Variants in NEMF observed in about 807,000 individuals in gnomAD.
The protein encoded by NEMF is nuclear export mediator factor.
Under a neutral mutation model 162.2 loss-of-function variants are expected in NEMF, and 89 were observed. That is an observed-to-expected ratio of 0.55 (90% CI 0.46 to 0.65). The LOEUF (loss-of-function observed/expected upper bound fraction) is 0.65, where lower values mean the gene tolerates loss of function less well. NEMF is among the 30% of genes least tolerant of loss of function. NEMF has a pLI of 0.00. For missense variants in NEMF, 1,133 were observed against 1,261.9 expected (o/e 0.90, Z 1.55); for synonymous variants, 421 against 404.5 (o/e 1.04, Z -0.49).
Position 49,800,630 on chromosome 14 carries a change from A to G in NEMF, c.2162T>C (p.Met721Thr). 1 of 1,613,954 alleles carries G rather than the reference A, an allele frequency of 6.2e-7. No individual in the cohort carries two copies. The highest frequency in any genetic ancestry group is 8.5e-7 in the Non-Finnish European group (1 of 1,179,900). Reference sequence around the variant, plus strand: ...GATATCCTCTTGGTCAACCTGAGTCATGAGTTCTACTTCCACAGGAGTTTC... The same window carrying G: ...GATATCCTCTTGGTCAACCTGAGTCGTGAGTTCTACTTCCACAGGAGTTTC... ...EHETPVEVEL[M>T]TQVDQEDITL... is the part of the protein sequence containing the mutation. Residue 721 changes from methionine (M) to threonine (T), a missense_variant, in exon 23 of 33, where the codon ATG (methionine) becomes ACG (threonine). Physicochemically the swap from Met to Thr is moderately conservative, Grantham distance 81 (BLOSUM62 -1). This residue lies in a region of NEMF where 532 missense variants were observed against 578.6 expected (regional missense o/e 0.92). Transcript: ENST00000298310.
chr14:49,808,691 C>A (rs949288568), intron 18 of NEMF, among the ~76,000 whole-genome samples: 2 of 150,590 alleles, frequency 1.3e-5, no homozygotes, highest in African/African-American at 4.9e-5. Context: ...GGTCTAACCT[C>A]AATCTTTTGC....
intron 8 of NEMF, 53 bp from the exon 9 acceptor site, chr14:49,832,330 CTTCTT>C (rs1566695370): frequency 6.1e-6 from 7 of 1,145,470 alleles, no homozygotes; most frequent in African/African-American, 2.7e-5. Flanking sequence ...CAAAGATTTA[CTTCTT>C]TTTTTTTTTT....
intron 16 of NEMF, among the ~76,000 whole-genome samples, chr14:49,817,534 T>C (rs1298907637): frequency 1.3e-5 from 2 of 151,744 alleles, no homozygotes; most frequent in Non-Finnish European, 2.9e-5. Flanking sequence ...AAGGAAAAAA[T>C]AGTTACAAGT....
At chr14:49,818,159 CT>C (rs1231738995) in intron 16 of NEMF, 1 of 150,192 alleles carries the variant, frequency 6.7e-6, no homozygotes, top group Non-Finnish European at 1.5e-5. Context: ...CCGATCTCGG[CT>C]CACTGCAAGC....
intron 8 of NEMF, 53 bp from the exon 9 acceptor site, chr14:49,832,330 CTTCT>C (rs1480764168): frequency 7.4e-5 from 85 of 1,145,468 alleles, no homozygotes; most frequent in Admixed American, 1.6e-4. Flanking sequence ...CAAAGATTTA[CTTCT>C]TTTTTTTTTT....
intron 25 of NEMF, 40 bp from the exon 26 acceptor site, chr14:49,795,984 T>G: frequency 6.5e-7 from 1 of 1,544,180 alleles, no homozygotes. Flanking sequence ...TTCTTAGAAT[T>G]TGAAATTCTT....
At chr14:49,803,423 A>T (rs887993133) in intron 19 of NEMF, 129 bp from the exon 20 acceptor site, 1 of 556,912 alleles carries the variant, frequency 1.8e-6, no homozygotes, top group Non-Finnish European at 3.1e-6. Flanking sequence ...ATAATTTCGT[A>T]CAAATTCTCA....
intron 6 of NEMF, among the ~76,000 whole-genome samples, chr14:49,837,728 T>C (rs1024432390): frequency 6.6e-6 from 1 of 150,586 alleles, no homozygotes; most frequent in African/African-American, 2.4e-5. Context: ...GATGATCTTC[T>C]CAAGTATAAA....
Position 49,785,123 on chromosome 14 carries a change from T to G in NEMF, c.3042A>C (p.Lys1014Asn). 1 of 1,606,186 alleles carries G rather than the reference T, an allele frequency of 6.2e-7. No homozygotes were observed. Among genetic ancestry groups the G allele is most frequent in the Non-Finnish European group, 8.5e-7 (1 of 1,172,918 alleles). Residue 1014 changes from lysine to asparagine, a missense_variant, in exon 31 of 33, where the codon AAA becomes AAC. Lys to Asn is a moderately conservative substitution (Grantham distance 94, BLOSUM62 0). Transcript: ENST00000298310. ...CCTTTTTCTGCACTCCAGGAGTAAGTTTCACTTTATATCTTTAAAAAGGAA... is the reference window on the plus strand; with the variant it reads ...CCTTTTTCTGCACTCCAGGAGTAAGGTTCACTTTATATCTTTAAAAAGGAA... ...TTMTNYKYKV[K>N]LTPGVQKKGK...
chr14:49,840,417 G>A (rs371508369), intron 5 of NEMF, among the ~76,000 whole-genome samples: 23 of 151,080 alleles, frequency 1.5e-4, no homozygotes, highest in Non-Finnish European at 1.3e-4. Flanking sequence ...AGCTGAGATC[G>A]TGCCACTGCA....
intron 16 of NEMF, among the ~76,000 whole-genome samples, chr14:49,817,753 C>T (rs1388979404): frequency 2.0e-5 from 3 of 152,150 alleles, no homozygotes; most frequent in Non-Finnish European, 4.4e-5. Flanking sequence ...AAAAACACTG[C>T]TTACCAAAAC....
chr14:49,836,793 A>G (rs1177263060), intron 6 of NEMF, among the ~76,000 whole-genome samples: 2 of 152,212 alleles, frequency 1.3e-5, no homozygotes, highest in Admixed American at 6.5e-5. Flanking sequence ...CACATTTTGG[A>G]ATATCTGCAT....
intron 20 of NEMF, 79 bp downstream of exon 20, chr14:49,803,158 G>A (rs985767391): frequency 1.9e-6 from 2 of 1,040,054 alleles, no homozygotes; most frequent in Non-Finnish European, 1.5e-6. Context: ...TTTGTTCTAA[G>A]AGTATTTGTA....
chr14:49,806,208 C>A, intron 18 of NEMF, 75 bp from the exon 19 acceptor site: 2 of 594,406 alleles, frequency 3.4e-6, no homozygotes, highest in Non-Finnish European at 2.9e-6. Context: ...AATCACATGC[C>A]GCATGACAGG....
At chr14:49,814,699 G>A (rs1453218187) in intron 17 of NEMF, 55 bp downstream of exon 17, 17 of 907,668 alleles carry the variant, frequency 1.9e-5, no homozygotes, top group Middle Eastern at 2.6e-4. Flanking sequence ...CTAATATTGA[G>A]ATAACTGATC....
intron 8 of NEMF, among the ~76,000 whole-genome samples, chr14:49,833,212 G>C (rs371813951): frequency 1.6e-3 from 238 of 152,234 alleles, no homozygotes; most frequent in African/African-American, 5.4e-3. Flanking sequence ...GTTGCAATGA[G>C]CCAAGATCAT....
At chr14:49,799,721 G>T (rs755319290) in intron 23 of NEMF, 43 bp from the exon 24 acceptor site, 7 of 1,502,440 alleles carry the variant, frequency 4.7e-6, no homozygotes, top group East Asian at 2.3e-5. Context: ...GCCTGTAAAA[G>T]ACATGCATTT....
At chr14:49,835,378 A>C (rs1192775244) in intron 6 of NEMF, among the ~76,000 whole-genome samples, 1 of 152,250 alleles carries the variant, frequency 6.6e-6, no homozygotes, top group Non-Finnish European at 1.5e-5. Flanking sequence ...AAAATTGGTT[A>C]ATATAATACT....
chr14:49,826,065 T>C, intron 15 of NEMF, 110 bp from the exon 16 acceptor site: 2 of 626,942 alleles, frequency 3.2e-6, no homozygotes, highest in South Asian at 2.0e-5. Flanking sequence ...TGGCACAATC[T>C]ACACACACAC....
Sources: allele counts gnomAD v4.1 joint callset (sites outside exome capture counted in the v4.1 genomes callset), GRCh38; gene constraint gnomAD v4.1.1; regional missense constraint gnomAD v4.1.1; transcripts MANE v1.5; gene names NCBI Gene and HGNC (gene_info 2026-07-23, HGNC 2026-07-21).